Variants in ASTN2 observed in about 807,000 individuals in gnomAD.
The protein encoded by ASTN2 is astrotactin 2.
A neutral mutation model predicts 139.8 loss-of-function variants in ASTN2; 54 were observed. The ratio of observed to expected loss-of-function variants is 0.39; its 90% CI spans 0.31 to 0.48. The LOEUF (loss-of-function observed/expected upper bound fraction) is 0.48. Among genes scored for constraint, ASTN2 ranks in the 20% least tolerant of loss-of-function variants. ASTN2 has a pLI of 0.95. For synonymous variants in ASTN2, 756 were observed against 719.5 expected (o/e 1.05, Z -0.81); for missense variants, 1,565 against 1,725.1 (o/e 0.91, Z 1.64).
At chr9:117,091,905 G>A (rs1026601278) in intron 5 of ASTN2, among the ~76,000 whole-genome samples, 7 of 152,198 alleles carry the variant, frequency 4.6e-5, no homozygotes, top group African/African-American at 1.7e-4. Context: ...CAGCAAGGGA[G>A]ACTTAGCAAG....
At chr9:117,088,772 T>C (rs1344946031) in intron 5 of ASTN2, among the ~76,000 whole-genome samples, 2 of 152,206 alleles carry the variant, frequency 1.3e-5, no homozygotes, top group South Asian at 2.1e-4. Flanking sequence ...TGGATTTCTA[T>C]AACTGGCTGA....
chr9:117,259,067 G>A (rs1376091301), intron 2 of ASTN2, among the ~76,000 whole-genome samples: 1 of 152,116 alleles, frequency 6.6e-6, no homozygotes, highest in African/African-American at 2.4e-5. Context: ...GGCCAGTGAC[G>A]GAAGGCTTTT....
intron 10 of ASTN2, among the ~76,000 whole-genome samples, chr9:116,925,026 C>T (rs1834715754): frequency 1.3e-5 from 2 of 152,058 alleles, no homozygotes; most frequent in Non-Finnish European, 2.9e-5. Flanking sequence ...AGCTGAGAAC[C>T]CTCAGAATCA....
intron 16 of ASTN2, among the ~76,000 whole-genome samples, chr9:116,662,754 G>T (rs1330398729): frequency 1.3e-5 from 2 of 152,172 alleles, no homozygotes; most frequent in Non-Finnish European, 2.9e-5. Context: ...AGACAGAAAA[G>T]AAAATCATAT....
At chr9:116,923,450 C>T (rs1228994244) in intron 10 of ASTN2, among the ~76,000 whole-genome samples, 1 of 152,210 alleles carries the variant, frequency 6.6e-6, no homozygotes, top group African/African-American at 2.4e-5. Flanking sequence ...CTTGTCTTTA[C>T]AGTTGTCCTG....
chr9:116,592,909 T>C (rs1293146809), intron 19 of ASTN2, among the ~76,000 whole-genome samples: 1 of 152,106 alleles, frequency 6.6e-6, no homozygotes, highest in Non-Finnish European at 1.5e-5. Flanking sequence ...GTGATAAAGG[T>C]GAGATGTGGA....
intron 10 of ASTN2, among the ~76,000 whole-genome samples, chr9:116,959,808 G>C (rs895850911): frequency 6.6e-6 from 1 of 152,108 alleles, no homozygotes. Context: ...GGAGAAGAGA[G>C]AAAAAGCAAG....
chr9:117,268,862 A>G (rs550181948), intron 2 of ASTN2, among the ~76,000 whole-genome samples: 6 of 152,274 alleles, frequency 3.9e-5, no homozygotes, highest in African/African-American at 9.6e-5. Flanking sequence ...CCAAATCACA[A>G]TTCCAGGGGT....
chr9:117,161,805 G>C (rs376018033), intron 3 of ASTN2, among the ~76,000 whole-genome samples: 2 of 152,096 alleles, frequency 1.3e-5, no homozygotes, highest in Non-Finnish European at 1.5e-5. Context: ...TACAGAGAGA[G>C]AAAAGGGCAC....
intron 13 of ASTN2, among the ~76,000 whole-genome samples, chr9:116,738,058 A>G (rs1046218122): frequency 1.3e-5 from 2 of 151,358 alleles, no homozygotes; most frequent in Non-Finnish European, 2.9e-5. Flanking sequence ...CGGGCGTGGT[A>G]GCGGGCGCCT....
At chr9:117,259,655 T>C (rs1833775460) in intron 2 of ASTN2, among the ~76,000 whole-genome samples, 1 of 152,206 alleles carries the variant, frequency 6.6e-6, no homozygotes, top group African/African-American at 2.4e-5. Context: ...AATCTACCTA[T>C]GGCCTAGAAG....
chr9:116,514,454 C>A (rs1587918769), intron 19 of ASTN2, among the ~76,000 whole-genome samples: 1 of 152,124 alleles, frequency 6.6e-6, no homozygotes, highest in Non-Finnish European at 1.5e-5. Context: ...GGTCAGGGAC[C>A]CACTTGAGGA....
chr9:117,259,678 G>A (rs1047996704), intron 2 of ASTN2, among the ~76,000 whole-genome samples: 2 of 152,140 alleles, frequency 1.3e-5, no homozygotes, highest in Admixed American at 1.3e-4. Flanking sequence ...CCTGCTTTGA[G>A]TTGTTCTGCC....
At chr9:117,078,428 TCAGCCATGGA>T (rs1436795390) in intron 5 of ASTN2, among the ~76,000 whole-genome samples, 2 of 152,180 alleles carry the variant, frequency 1.3e-5, no homozygotes, top group African/African-American at 4.8e-5. Context: ...CCAAAGCACC[TCAGCCATGGA>T]CATATGACTC....
chr9:116,542,922 A>AAAAAC (rs1176632574), intron 19 of ASTN2, among the ~76,000 whole-genome samples: 4 of 152,160 alleles, frequency 2.6e-5, no homozygotes, highest in South Asian at 2.1e-4. Context: ...TCTATCTCAA[A>AAAAAC]AAAACAAAAC....
At chr9:116,822,785 C>T (rs924592991) in intron 11 of ASTN2, among the ~76,000 whole-genome samples, 7 of 152,214 alleles carry the variant, frequency 4.6e-5, no homozygotes, top group Admixed American at 3.3e-4. Context: ...AAAGACATGT[C>T]TCTGTCCTAA....
rs528821846 is a variant in ASTN2 at position 116,544,062 on chromosome 9, G to A, written c.3356-56562C>T. On this transcript the variant is annotated intron_variant, in intron 19 of 22. Transcript: ENST00000313400. ...GTTAGCAATGTCCAAATTCCCTGCA[G>A]AAACACTTGGGAATCGACTGCCAAA... Among the ~76,000 whole-genome samples, 16 of 152,268 alleles carry A rather than the reference G, an allele frequency of 1.1e-4. No homozygotes were observed. In the South Asian group the frequency reaches 3.1e-3, roughly 30 times the overall value.
At chr9:117,072,454 T>C (rs1351994851) in intron 5 of ASTN2, among the ~76,000 whole-genome samples, 1 of 152,180 alleles carries the variant, frequency 6.6e-6, no homozygotes, top group African/African-American at 2.4e-5. Flanking sequence ...GCGAACATCT[T>C]GCAGTCTGGC....
intron 16 of ASTN2, among the ~76,000 whole-genome samples, chr9:116,688,895 C>T (rs527395517): frequency 1.3e-5 from 2 of 151,686 alleles, no homozygotes; most frequent in African/African-American, 4.8e-5. Context: ...AAAAAGGGAA[C>T]CCTTAGGTAT....
Sources: allele counts gnomAD v4.1 joint callset (sites outside exome capture counted in the v4.1 genomes callset), GRCh38; gene constraint gnomAD v4.1.1; transcripts MANE v1.5; gene names NCBI Gene and HGNC (gene_info 2026-07-23, HGNC 2026-07-21).